DSCAM: variants seen among roughly 807,000 people sequenced by gnomAD.
DSCAM encodes the protein DS cell adhesion molecule.
A neutral mutation model predicts 217.7 loss-of-function variants in DSCAM; 47 were observed. That is an observed-to-expected ratio of 0.22 (90% CI 0.17 to 0.28). The LOEUF (loss-of-function observed/expected upper bound fraction) is 0.28, where lower values mean the gene tolerates loss of function less well. Among genes scored for constraint, DSCAM ranks in the 10% least tolerant of loss-of-function variants. The pLI is 1.00. For missense variants in DSCAM, 2,080 were observed against 2,618.3 expected, an observed-to-expected ratio of 0.79 and a Z score of 4.49; for synonymous variants, 1,056 against 1,015.3, an observed-to-expected ratio of 1.04 and a Z score of -0.76.
At chr21:40,650,757 A>G (rs2090003538) in intron 3 of DSCAM, among the ~76,000 whole-genome samples, 1 of 152,192 alleles carries the variant, frequency 6.6e-6, no homozygotes, top group African/African-American at 2.4e-5. Context: ...CTACTAAAAT[A>G]CAAAAAATTA....
Position 40,044,400 on chromosome 21 carries a change from C to T in DSCAM, c.5186-125G>A, listed in dbSNP as rs2088809571. The T allele has an allele frequency of 1.9e-5, 17 of 891,556 alleles. No homozygotes were observed. The South Asian group carries it at 2.9e-4, about 15-fold the overall frequency. The allele number at this position is 891,556 out of a possible 1,614,324, so 55.2% of individuals were successfully genotyped here. On this transcript the variant is annotated intron_variant, in intron 30 of 32. Transcript: ENST00000400454. ...CGCCCACGCCCTCCAGGAAAACTTC[C>T]TTGACTTCTCCTGTGCAGAGGATAC...
intron 1 of DSCAM, among the ~76,000 whole-genome samples, chr21:40,730,103 T>C (rs1165789501): frequency 1.3e-5 from 2 of 152,146 alleles, no homozygotes; most frequent in Non-Finnish European, 2.9e-5. Context: ...CCGTAGCCAC[T>C]CAGGTCTCTT....
At chr21:40,362,493 C>T (rs941800492) in intron 4 of DSCAM, among the ~76,000 whole-genome samples, 2 of 152,116 alleles carry the variant, frequency 1.3e-5, no homozygotes, top group African/African-American at 4.8e-5. Flanking sequence ...ATGGTTTTCC[C>T]GTTCTTAGTG....
intron 2 of DSCAM, among the ~76,000 whole-genome samples, chr21:40,697,721 T>C (rs1318461688): frequency 6.6e-6 from 1 of 152,264 alleles, no homozygotes; most frequent in Admixed American, 6.5e-5. Context: ...TACTATGCTA[T>C]AGTATGCCAG....
chr21:40,342,033 C>G (rs887727122), intron 6 of DSCAM, among the ~76,000 whole-genome samples: 11 of 152,086 alleles, frequency 7.2e-5, no homozygotes, highest in African/African-American at 2.7e-4. Flanking sequence ...ATATTTTTCC[C>G]AGAAATACCG....
chr21:40,694,831 G>C (rs1035617872), intron 2 of DSCAM, among the ~76,000 whole-genome samples: 7 of 151,894 alleles, frequency 4.6e-5, no homozygotes, highest in African/African-American at 1.7e-4. Flanking sequence ...CCTTTGCTGG[G>C]AGCTGAGGTC....
chr21:40,624,969 TTTA>T (rs1224709575), intron 3 of DSCAM, among the ~76,000 whole-genome samples: 2 of 152,200 alleles, frequency 1.3e-5, no homozygotes, highest in Non-Finnish European at 2.9e-5. Flanking sequence ...TAAGAGTATA[TTTA>T]TTATGTTAGT....
At chr21:40,516,419 T>G (rs1601707482) in intron 3 of DSCAM, among the ~76,000 whole-genome samples, 1 of 152,092 alleles carries the variant, frequency 6.6e-6, no homozygotes, top group Non-Finnish European at 1.5e-5. Context: ...CCCAAAACAC[T>G]GGCAGTTCCT....
intron 3 of DSCAM, among the ~76,000 whole-genome samples, chr21:40,378,502 C>G (rs2074985541): frequency 6.7e-6 from 1 of 148,644 alleles, no homozygotes; most frequent in Non-Finnish European, 1.5e-5. Flanking sequence ...GAAGTGCACA[C>G]TTTGACGTTC....
At chr21:40,065,701 C>G (rs1601291764) in intron 27 of DSCAM, among the ~76,000 whole-genome samples, 1 of 152,158 alleles carries the variant, frequency 6.6e-6, no homozygotes, top group Non-Finnish European at 1.5e-5. Context: ...GCCAGCATGT[C>G]CCCAGGGGAA....
intron 3 of DSCAM, among the ~76,000 whole-genome samples, chr21:40,431,710 G>T (rs1488525788): frequency 6.6e-6 from 1 of 152,152 alleles, no homozygotes; most frequent in African/African-American, 2.4e-5. Flanking sequence ...TATCAGTAAG[G>T]CTTCCAGTCA....
chr21:40,583,367 G>C (rs1389817322), intron 3 of DSCAM, among the ~76,000 whole-genome samples: 1 of 152,090 alleles, frequency 6.6e-6, no homozygotes, highest in African/African-American at 2.4e-5. Flanking sequence ...AGTTGTATTT[G>C]TGGTATATCA....
intron 3 of DSCAM, among the ~76,000 whole-genome samples, chr21:40,470,773 T>C (rs2075881862): frequency 6.6e-6 from 1 of 152,122 alleles, no homozygotes. Flanking sequence ...AGGCTGGTCT[T>C]GAACTCCTGG....
chr21:40,589,166 C>T (rs537758627), intron 3 of DSCAM, among the ~76,000 whole-genome samples: 43 of 152,246 alleles, frequency 2.8e-4, no homozygotes, highest in African/African-American at 9.4e-4. Flanking sequence ...AGTGAAGAAA[C>T]AGCAACCCAC....
intron 1 of DSCAM, among the ~76,000 whole-genome samples, chr21:40,780,420 T>C (rs1310171336): frequency 1.6e-5 from 1 of 61,692 alleles, no homozygotes; most frequent in African/African-American, 1.2e-4. Flanking sequence ...TGTGTGTGTG[T>C]GTGTATATAT....
chr21:40,835,785 G>A (rs1232523133), intron 1 of DSCAM, among the ~76,000 whole-genome samples: 3 of 152,200 alleles, frequency 2.0e-5, no homozygotes, highest in South Asian at 2.1e-4. Flanking sequence ...TCAAGGACAC[G>A]ATGTTTTGAA....
intron 3 of DSCAM, among the ~76,000 whole-genome samples, chr21:40,611,080 A>C (rs1449499171): frequency 1.2e-5 from 1 of 83,234 alleles, no homozygotes. Context: ...TTTTTTTGGG[A>C]TGGAGACTCA....
At chr21:40,534,893 C>T (rs552948723) in intron 3 of DSCAM, among the ~76,000 whole-genome samples, 2 of 152,070 alleles carry the variant, frequency 1.3e-5, no homozygotes, top group South Asian at 4.2e-4. Context: ...CCAATATTAC[C>T]TCTGTAATCT....
chr21:40,664,801 G>A (rs545250431), intron 3 of DSCAM, among the ~76,000 whole-genome samples: 1 of 152,204 alleles, frequency 6.6e-6, no homozygotes, highest in African/African-American at 2.4e-5. Flanking sequence ...GATAGGGCTT[G>A]GATGTTTGTC....
Sources: allele counts gnomAD v4.1 joint callset (sites outside exome capture counted in the v4.1 genomes callset), GRCh38; gene constraint gnomAD v4.1.1; transcripts MANE v1.5; gene names NCBI Gene and HGNC (gene_info 2026-07-23, HGNC 2026-07-21).